The following PDPR variants were observed in gnomAD, a reference collection of about 807,000 sequenced individuals.
The protein encoded by PDPR is pyruvate dehydrogenase phosphatase regulatory subunit, also known as pyruvate dehydrogenase phosphatase regulatory subunit, mitochondrial.
Under a neutral mutation model 102.2 loss-of-function variants are expected in PDPR, and 50 were observed. That is an observed-to-expected ratio of 0.49 (90% CI 0.39 to 0.62). The LOEUF (loss-of-function observed/expected upper bound fraction) is 0.62, where lower values mean the gene tolerates loss of function less well. Among genes scored for constraint, PDPR ranks in the 20% least tolerant of loss-of-function variants. The pLI is 0.00. For missense variants in PDPR, 625 were observed against 1,098.2 expected (o/e 0.57, Z 6.09); for synonymous variants, 259 against 406.0 (o/e 0.64, Z 4.35).
intron 4 of PDPR, among the ~76,000 whole-genome samples, 170 bp from the exon 5 acceptor site, chr16:70,128,614 T>A (rs1964220047): frequency 6.6e-6 from 1 of 152,280 alleles, no homozygotes; most frequent in Non-Finnish European, 1.5e-5. Context: ...CATCTGAAGT[T>A]CTTAAAATTT....
chr16:70,154,950 G>T (rs1056489376), intron 18 of PDPR, among the ~76,000 whole-genome samples: 17 of 152,180 alleles, frequency 1.1e-4, no homozygotes, highest in Admixed American at 5.2e-4. Context: ...AATTTTTTTG[G>T]TTTTTTTGTT....
Position 70,159,649 on chromosome 16 carries a change from C to CT in PDPR, c.*2771dup, listed in dbSNP as rs1208060537. 1 of 152,944 alleles carries CT rather than the reference C, an allele frequency of 6.5e-6. No homozygotes were observed. Among genetic ancestry groups the CT allele is most frequent in the Non-Finnish European group, 1.5e-5 (1 of 68,562 alleles). 9.5% of individuals were successfully genotyped at this position (152,944 alleles called of 1,614,324 possible). Reference sequence around the variant, plus strand: ...TGCTTCTGGCATAACTGCTTTGCCTCTGTCTAGTGTCCAAGCATCTTAGCT... The same window carrying CT: ...TGCTTCTGGCATAACTGCTTTGCCTCTTGTCTAGTGTCCAAGCATCTTAGCT... On this transcript the variant is annotated 3_prime_UTR_variant, in exon 19 of 19. Coordinates refer to ENST00000288050, the MANE Select transcript of PDPR (RefSeq NM_017990.5).
chr16:70,147,800 G>C (rs1353891771), intron 16 of PDPR: 6 of 362,380 alleles, frequency 1.7e-5, no homozygotes, highest in African/African-American at 4.3e-5. Context: ...TTAGCTATCA[G>C]TGGACCCCTC....
chr16:70,130,589 C>T (rs1383024492), intron 7 of PDPR, 45 bp downstream of exon 7: 20 of 1,611,046 alleles, frequency 1.2e-5, no homozygotes, highest in Non-Finnish European at 1.6e-5. Flanking sequence ...CGTTTGTCTC[C>T]AAGATTTTTT....
chr16:70,155,344 C>T (rs368814224), intron 18 of PDPR, among the ~76,000 whole-genome samples: 172 of 152,250 alleles, frequency 1.1e-3, no homozygotes, highest in African/African-American at 3.7e-3. Flanking sequence ...TGCAGTGGCG[C>T]GATCTCAGCT....
chr16:70,114,124 G>T (rs1191013413), upstream of PDPR: 1 of 152,298 alleles, frequency 6.6e-6, no homozygotes, highest in South Asian at 2.1e-4. Flanking sequence ...CGCCTCTGAG[G>T]GTGGCAAAGA....
intron 10 of PDPR, among the ~76,000 whole-genome samples, chr16:70,138,038 C>CTTTTT (rs200071207): frequency 0.02 from 2,406 of 118,256 alleles, 98 homozygotes; most frequent in African/African-American, 0.075. Flanking sequence ...ATACCCAGCT[C>CTTTTT]TTTTTTTTTT....
intron 10 of PDPR, among the ~76,000 whole-genome samples, 187 bp from the exon 11 acceptor site, chr16:70,138,712 A>T (rs1357546899): frequency 3.3e-5 from 5 of 152,264 alleles, no homozygotes; most frequent in Admixed American, 3.3e-4. Flanking sequence ...TCCTCATAGT[A>T]GTCTTTTGAG....
At chr16:70,133,301 T>C (rs1275947423) in intron 9 of PDPR, among the ~76,000 whole-genome samples, 1 of 152,076 alleles carries the variant, frequency 6.6e-6, no homozygotes, top group Non-Finnish European at 1.5e-5. Flanking sequence ...TTTGTGTTTT[T>C]AGTAGAGACA....
chr16:70,153,981 C>T (rs1966865682), intron 18 of PDPR, among the ~76,000 whole-genome samples: 1 of 152,172 alleles, frequency 6.6e-6, no homozygotes, highest in South Asian at 2.1e-4. Flanking sequence ...AGATCGAGAT[C>T]ATCCTAGCTA....
intron 8 of PDPR, 131 bp from the exon 9 acceptor site, chr16:70,132,020 A>G (rs1346068375): frequency 6.4e-7 from 1 of 1,567,190 alleles, no homozygotes; most frequent in Non-Finnish European, 8.7e-7. Context: ...GTGTTCATTG[A>G]ATGTTCTTTC....
chr16:70,130,543 A>C lies in PDPR; in HGVS notation c.728A>C (p.Gln243Pro), dbSNP rs1296336836. Residue 243 changes from glutamine to proline, a missense_variant and splice_region_variant, in exon 7 of 19, where the codon CAG becomes CCG. By Grantham distance (76) the Gln-to-Pro change is moderately conservative. Around this residue, in one of 11 missense-constraint regions of PDPR, gnomAD observed 35 missense variants for 63.5 expected, o/e 0.55. Transcript: ENST00000288050. Reference protein sequence around the residue: ...ECQYFVNCAGQWAYELGLSNE... With the variant: ...ECQYFVNCAGPWAYELGLSNE... ...CAGTATTTTGTCAACTGTGCTGGCC[A>C]GGTAGGTCAGCACCAACACTGCTGT... The C allele has an allele frequency of 6.2e-7, 1 of 1,613,816 alleles. No individual in the cohort carries two copies. The highest frequency in any genetic ancestry group is 1.7e-5 in the Admixed American group (1 of 59,970).
chr16:70,158,862 C>T lies in PDPR; in HGVS notation c.*1983C>T, dbSNP rs897715974. The T allele has an allele frequency of 2.6e-5, 4 of 152,496 alleles. No individual in the cohort carries two copies. Among genetic ancestry groups the T allele is most frequent in the African/African-American group, 4.8e-5 (2 of 41,468 alleles). The allele number at this position is 152,496 out of a possible 1,614,324, so 9.4% of individuals were successfully genotyped here. ...CAGGCCTCCTCTGCTCTTCCAAACACGTAGCATTTGCACCCCTCCAAAGCC... is the reference window on the plus strand; with the variant it reads ...CAGGCCTCCTCTGCTCTTCCAAACATGTAGCATTTGCACCCCTCCAAAGCC... On this transcript the variant is annotated 3_prime_UTR_variant, in exon 19 of 19. Coordinates refer to ENST00000288050, the MANE Select transcript of PDPR (RefSeq NM_017990.5).
intron 2 of PDPR, 189 bp from the exon 3 acceptor site, chr16:70,120,272 G>C (rs1172360161): frequency 4.1e-6 from 2 of 490,610 alleles, no homozygotes; most frequent in Admixed American, 3.3e-5. Context: ...GGATGGTCTC[G>C]ATCTCCTGAC....
intron 2 of PDPR, among the ~76,000 whole-genome samples, chr16:70,117,534 A>T (rs1412333928): frequency 1.3e-5 from 2 of 151,850 alleles, no homozygotes; most frequent in Non-Finnish European, 2.9e-5. Flanking sequence ...AATAAATAAG[A>T]TGTCAAAGAG....
At chr16:70,121,146 C>CA (rs979154395) in intron 3 of PDPR, among the ~76,000 whole-genome samples, 6 of 151,622 alleles carry the variant, frequency 4.0e-5, no homozygotes, top group Non-Finnish European at 5.9e-5. Context: ...TGCATTTAAG[C>CA]AAAGTAGACA....
rs1965948255 is a variant in PDPR, at chr16:70,143,553, C to G, written c.1649C>G (p.Ser550Cys). The G allele has an allele frequency of 6.2e-7, 1 of 1,613,558 alleles. No homozygotes were observed. Among genetic ancestry groups the G allele is most frequent in the Non-Finnish European group, 8.5e-7 (1 of 1,179,574 alleles). ...QALEVLQYLF[S>C]NDLDVPVGHI... ...TTAGAAGTTCTACAGTACCTCTTCT[C>G]CAATGACCTGGATGTGCCTGTGGGC... is the stretch of plus-strand genomic sequence containing the variant. The change falls in exon 14 of 19, where the codon TCC becomes TGC. Residue 550 changes from serine to cysteine, a missense_variant. Physicochemically the swap from Ser to Cys is moderately radical, Grantham distance 112. This residue lies in a region of PDPR where 28 missense variants were observed against 141.2 expected (regional missense o/e 0.20). Coordinates refer to ENST00000288050, the MANE Select transcript of PDPR (RefSeq NM_017990.5).
chr16:70,125,387 C>CAACA (rs1963828152), intron 3 of PDPR, among the ~76,000 whole-genome samples: 1 of 143,578 alleles, frequency 7.0e-6, no homozygotes, highest in Admixed American at 7.1e-5. Flanking sequence ...AAAAAACAAA[C>CAACA]AAACAAAAAA....
chr16:70,118,083 ACT>A (rs1170097564), intron 2 of PDPR, among the ~76,000 whole-genome samples: 5 of 142,172 alleles, frequency 3.5e-5, no homozygotes, highest in Admixed American at 7.3e-5. Context: ...ACAGAGTGAG[ACT>A]CTGTCTCAAA....
Sources: allele counts gnomAD v4.1 joint callset (sites outside exome capture counted in the v4.1 genomes callset), GRCh38; gene constraint gnomAD v4.1.1; regional missense constraint gnomAD v4.1.1; transcripts MANE v1.5; gene names NCBI Gene and HGNC (gene_info 2026-07-23, HGNC 2026-07-21).